Variants in MAPK8IP3 observed in about 807,000 individuals in gnomAD.
MAPK8IP3 encodes the protein mitogen-activated protein kinase 8 interacting protein 3.
Under a neutral mutation model 157.8 loss-of-function variants are expected in MAPK8IP3, and 49 were observed. The ratio of observed to expected loss-of-function variants is 0.31; its 90% CI spans 0.25 to 0.39. MAPK8IP3 has a LOEUF of 0.39. Among genes scored for constraint, MAPK8IP3 ranks in the 10% least tolerant of loss-of-function variants. The pLI, the probability that MAPK8IP3 is intolerant of heterozygous loss-of-function variation, is 1.00. For synonymous variants in MAPK8IP3, 897 were observed against 777.7 expected, an observed-to-expected ratio of 1.15 and a Z score of -2.55; for missense variants, 1,478 against 1,889.4, an observed-to-expected ratio of 0.78 and a Z score of 4.04.
Position 1,766,205 on chromosome 16 carries a change from C to T in MAPK8IP3, c.2630-15C>T. On this transcript the variant is annotated splice_polypyrimidine_tract_variant and intron_variant, in intron 21 of 31. Coordinates refer to ENST00000610761, the MANE Select transcript of MAPK8IP3 (RefSeq NM_001318852.2). ...CACGTTTCTGCCCAGCCCAAGCTCA[C>T]CTCTCCTAACACAGGGGAGGTGGCC... The T allele has an allele frequency of 6.2e-7, 1 of 1,604,910 alleles. No homozygotes were observed. The highest frequency in any genetic ancestry group is 8.5e-7 in the Non-Finnish European group (1 of 1,174,604).
Position 1,729,444 on chromosome 16 carries a change from G to GC in MAPK8IP3, c.511-37dup, listed in dbSNP as rs749111780. The GC allele has an allele frequency of 1.5e-5, 22 of 1,517,162 alleles. No homozygotes were observed. The South Asian group carries it at 2.1e-4, about 14-fold the overall frequency. The allele number at this position is 1,517,162 out of a possible 1,614,324, so 94.0% of individuals were successfully genotyped here. A position where few individuals can be genotyped will look rare whatever the true frequency, so the allele number is the denominator to read the frequency against. ...TCACAGGTTAGAGGGGACGGAGACA[G>GC]CCCCCCACGGCAGCGCTAATGCAGG... On this transcript the variant is annotated intron_variant, in intron 3 of 31. Coordinates refer to ENST00000610761, the MANE Select transcript of MAPK8IP3 (RefSeq NM_001318852.2).
At position 1,731,835 on chromosome 16, in the gene MAPK8IP3, G is replaced by T. The variant is rs534448241; in HGVS notation, c.602+2257G>T. On this transcript the variant is annotated intron_variant, in intron 4 of 31. Coordinates refer to ENST00000610761, the MANE Select transcript of MAPK8IP3 (RefSeq NM_001318852.2). ...TTTCCCCTAGGGGCAATGGTTTAGTGTTTGAGGGACTTTCTAGAACATACT... is the reference window on the plus strand; with the variant it reads ...TTTCCCCTAGGGGCAATGGTTTAGTTTTTGAGGGACTTTCTAGAACATACT... Among the ~76,000 whole-genome samples the T allele has an allele frequency of 9.2e-5, 14 of 152,348 alleles. 1 individual carries two copies. The South Asian group carries it at 2.7e-3, about 29-fold the overall frequency.
At chr16:1,721,640 G>A (rs1257854061) in intron 1 of MAPK8IP3, among the ~76,000 whole-genome samples, 1 of 152,106 alleles carries the variant, frequency 6.6e-6, no homozygotes, top group Non-Finnish European at 1.5e-5. Flanking sequence ...TTGTAGAGAC[G>A]GAATTTCACC....
At chr16:1,736,683 CGTGTGACCGACCGTGTGAGCGTCCGT>C (rs2039888148) in intron 4 of MAPK8IP3, among the ~76,000 whole-genome samples, 1 of 56,362 alleles carries the variant, frequency 1.8e-5, no homozygotes, top group Non-Finnish European at 3.2e-5. Flanking sequence ...TGTGAGCATC[CGTGTGACCGACCGTGTGAGCGTCCGT>C]GTGAGCGTGT....
At chr16:1,723,328 AC>A (rs1421089552) in intron 1 of MAPK8IP3, among the ~76,000 whole-genome samples, 1 of 147,596 alleles carries the variant, frequency 6.8e-6, no homozygotes. Context: ...AATCGCTTGA[AC>A]CCGGGAGGCA....
chr16:1,764,698 G>C (rs947216829), intron 19 of MAPK8IP3, among the ~76,000 whole-genome samples: 1 of 152,182 alleles, frequency 6.6e-6, no homozygotes, highest in East Asian at 1.9e-4. Flanking sequence ...GGCTGCAGGG[G>C]TCAGGCAGGC....
chr16:1,765,890 G>A, intron 20 of MAPK8IP3, 70 bp from the exon 21 acceptor site: 1 of 1,419,306 alleles, frequency 7.0e-7, no homozygotes, highest in Non-Finnish European at 9.6e-7. Flanking sequence ...CTGCCCCTGT[G>A]TAAGTGCTGG....
rs559491783 is a variant in MAPK8IP3 at position 1,738,439 on chromosome 16, ACCAT to A, written c.603-4888_603-4885del. Reference sequence around the variant, plus strand: ...GAGCGTGTGACCGTGTGAGAGAGTGACCATCCATGTGAGCATGTGTGACCGTCCG... The same window carrying A: ...GAGCGTGTGACCGTGTGAGAGAGTGACCATGTGAGCATGTGTGACCGTCCG... On this transcript the variant is annotated intron_variant, in intron 4 of 31. Transcript: ENST00000610761. Among the ~76,000 whole-genome samples, 202 of 78,982 alleles carry A rather than the reference ACCAT, an allele frequency of 2.6e-3. 4 individuals carry two copies. The highest frequency in any genetic ancestry group is 3.2e-3 in the Non-Finnish European group (139 of 43,742). 51.8% of individuals were successfully genotyped at this position (78,982 alleles called of 152,430 possible).
chr16:1,733,748 G>A (rs1206005019), intron 4 of MAPK8IP3, among the ~76,000 whole-genome samples: 1 of 152,230 alleles, frequency 6.6e-6, no homozygotes, highest in Non-Finnish European at 1.5e-5. Flanking sequence ...CACGGCTCCT[G>A]AAGGCTATGT....
chr16:1,746,117 C>T (rs1239585265), intron 5 of MAPK8IP3: 1 of 152,238 alleles, frequency 6.6e-6, no homozygotes, highest in Admixed American at 6.5e-5. Context: ...ACAGGAGCCA[C>T]CTGGGTGCCT....
chr16:1,737,483 C>T (rs1215959646), intron 4 of MAPK8IP3, among the ~76,000 whole-genome samples: 29 of 70,628 alleles, frequency 4.1e-4, no homozygotes, highest in South Asian at 9.0e-4. Flanking sequence ...TCTGTGTGAC[C>T]GTCCGTGTGA....
At chr16:1,757,136 T>C (rs540706751) in intron 8 of MAPK8IP3, among the ~76,000 whole-genome samples, 34 of 152,080 alleles carry the variant, frequency 2.2e-4, no homozygotes, top group Non-Finnish European at 3.8e-4. Context: ...GGCGGAGTCT[T>C]GCTCTGTCGC....
intron 1 of MAPK8IP3, among the ~76,000 whole-genome samples, chr16:1,717,567 G>A (rs370140595): frequency 1.3e-4 from 20 of 152,336 alleles, no homozygotes; most frequent in African/African-American, 4.3e-4. Flanking sequence ...ATAGGTGGTC[G>A]TGTCAAATAC....
In MAPK8IP3 at chr16:1,717,734, C is replaced by CA. The variant is rs554926589; in HGVS notation, c.319-6815dup. 6.6e-5 allele frequency among the ~76,000 whole-genome samples: 10 copies of CA among 151,830 alleles called. No individual in the cohort carries two copies. The South Asian group carries it at 1.7e-3, about 25-fold the overall frequency. On this transcript the variant is annotated intron_variant, in intron 1 of 31. Coordinates refer to ENST00000610761, the MANE Select transcript of MAPK8IP3 (RefSeq NM_001318852.2). Reference sequence around the variant, plus strand: ...TAATCTAGTACTATGCAGGCCCATTCAAAAAAAATGCTGATAGTTAAAACT... The same window carrying CA: ...TAATCTAGTACTATGCAGGCCCATTCAAAAAAAAATGCTGATAGTTAAAACT...
In MAPK8IP3 at chr16:1,768,393, C is replaced by G; in HGVS notation, c.3742+15C>G. Reference sequence around the variant, plus strand: ...CTCGGTGCCAGGTGAGGCTGGGCCCCTCCTGCCATCCACATCCCCTGCATG... The same window carrying G: ...CTCGGTGCCAGGTGAGGCTGGGCCCGTCCTGCCATCCACATCCCCTGCATG... On this transcript the variant is annotated intron_variant, in intron 30 of 31. Transcript: ENST00000610761. 11 of 1,598,420 alleles carry G rather than the reference C, an allele frequency of 6.9e-6. No individual in the cohort carries two copies. Among genetic ancestry groups the G allele is most frequent in the Non-Finnish European group, 8.5e-6 (10 of 1,178,816 alleles).
intron 4 of MAPK8IP3, among the ~76,000 whole-genome samples, chr16:1,734,478 T>G (rs2039529906): frequency 6.6e-6 from 1 of 152,248 alleles, no homozygotes; most frequent in African/African-American, 2.4e-5. Context: ...GGGGCTCACG[T>G]GCTGTCTGCC....
intron 8 of MAPK8IP3, among the ~76,000 whole-genome samples, chr16:1,753,634 G>A (rs895771932): frequency 2.0e-5 from 3 of 150,772 alleles, no homozygotes; most frequent in African/African-American, 7.3e-5. Flanking sequence ...GTAGAGACGG[G>A]GTTTCACCAT....
intron 1 of MAPK8IP3, among the ~76,000 whole-genome samples, chr16:1,716,641 T>C (rs917897132): frequency 2.6e-5 from 4 of 151,182 alleles, no homozygotes; most frequent in African/African-American, 7.3e-5. Flanking sequence ...ATGCTGGGCA[T>C]GGTGGCTCAC....
rs768257861 is a variant in MAPK8IP3 at position 1,743,504 on chromosome 16, G to T, written c.747+28G>T. The T allele has an allele frequency of 6.2e-7, 1 of 1,603,682 alleles. No individual in the cohort carries two copies. On this transcript the variant is annotated intron_variant, in intron 5 of 31. Transcript: ENST00000610761. The surrounding 1 kb of genome is among the most constrained non-coding windows in gnomAD (Gnocchi z 5.6). ...TTTGTAGCCGTGCCGTGGAGTGAGA[G>T]GCTCCTCCCTGTTGCTGGTGTTCCC...
Sources: gnomAD v4.1 joint callset for allele counts (sites outside exome capture counted in the v4.1 genomes callset) on GRCh38, gnomAD v4.1.1 for gene constraint, Gnocchi (gnomAD v3.1) non-coding constraint, MANE v1.5 for transcripts, NCBI Gene and HGNC (gene_info 2026-07-23, HGNC 2026-07-21) for gene names.